The following ADAMTS3 variants were observed in gnomAD, a reference collection of about 807,000 sequenced individuals.
ADAMTS3 encodes ADAM metallopeptidase with thrombospondin type 1 motif 3, also known as A disintegrin and metalloproteinase with thrombospondin motifs 3.
ADAMTS3 carries 73 observed loss-of-function variants against 129.0 expected under a neutral mutation model. The ratio of observed to expected loss-of-function variants is 0.57; its 90% CI spans 0.47 to 0.69. The LOEUF is 0.69. Among genes scored for constraint, ADAMTS3 ranks in the 30% least tolerant of loss-of-function variants. The probability of loss-of-function intolerance (pLI) is 0.00; values close to 1 mark genes in which losing one functional copy is unlikely to be tolerated. For synonymous variants in ADAMTS3, 477 were observed against 510.8 expected (o/e 0.93, Z 0.89); for missense variants, 1,457 against 1,514.5 (o/e 0.96, Z 0.63).
Position 72,319,486 on chromosome 4 carries a change from A to G in ADAMTS3, c.1209-11T>C, listed in dbSNP as rs1159615207. ...TGCTCCATTCCCAACCTAGAACACA[A>G]AGAGACCTCAGTGGTAAGAATCAGG... On this transcript the variant is annotated splice_polypyrimidine_tract_variant and intron_variant, in intron 8 of 21. Transcript: ENST00000286657. 2.5e-6 allele frequency: 4 copies of G among 1,605,724 alleles called. No individual in the cohort carries two copies. Among genetic ancestry groups the G allele is most frequent in the South Asian group, 1.1e-5 (1 of 89,208 alleles).
chr4:72,510,442 A>G (rs1219673271), intron 3 of ADAMTS3, among the ~76,000 whole-genome samples: 2 of 152,146 alleles, frequency 1.3e-5, no homozygotes, highest in African/African-American at 4.8e-5. Context: ...ATACAAAAAT[A>G]ACGTATAAAA....
At chr4:72,403,134 T>A (rs1721966469) in intron 4 of ADAMTS3, among the ~76,000 whole-genome samples, 1 of 152,056 alleles carries the variant, frequency 6.6e-6, no homozygotes, top group Non-Finnish European at 1.5e-5. Context: ...GGTCTTAATT[T>A]TTCCTTTGTT....
chr4:72,281,529 A>T lies in ADAMTS3; in HGVS notation c.*1607T>A, dbSNP rs1718342108. The T allele has an allele frequency of 6.6e-6, 1 of 152,244 alleles. No homozygotes were observed. The highest frequency in any genetic ancestry group is 2.4e-5 in the African/African-American group (1 of 41,460). The allele number at this position is 152,244 out of a possible 1,614,324, so 9.4% of individuals were successfully genotyped here. A position where few individuals can be genotyped will look rare whatever the true frequency, so the allele number is the denominator to read the frequency against. On this transcript the variant is annotated 3_prime_UTR_variant, in exon 22 of 22. Transcript: ENST00000286657. ...GCACTTATCTCTTTCAAAAACTTTT[A>T]AAAATGTTTCTAATTCACAATTTCA... is the stretch of plus-strand genomic sequence containing the variant.
intron 21 of ADAMTS3, among the ~76,000 whole-genome samples, chr4:72,287,434 G>A (rs769781950): frequency 4.0e-5 from 6 of 150,378 alleles, no homozygotes; most frequent in Non-Finnish European, 5.9e-5. Flanking sequence ...GAAAGGGAGA[G>A]GGTGAAGGGG....
chr4:72,399,406 C>T (rs1721815879), intron 4 of ADAMTS3, among the ~76,000 whole-genome samples: 1 of 152,118 alleles, frequency 6.6e-6, no homozygotes, highest in Admixed American at 6.6e-5. Context: ...GCACTCCAGC[C>T]TGGGCAATAG....
Position 72,533,806 on chromosome 4 carries a change from T to C in ADAMTS3, c.504+14672A>G, listed in dbSNP as rs145749995. Among the ~76,000 whole-genome samples, 851 of 152,192 alleles carry C rather than the reference T, an allele frequency of 5.6e-3. 8 individuals are homozygous for C. Among genetic ancestry groups the C allele is most frequent in the African/African-American group, 0.02 (816 of 41,516 alleles). On this transcript the variant is annotated intron_variant, in intron 3 of 21. Transcript: ENST00000286657. ...CTGAAGCCTTCAAGTACACAGAGCT[T>C]ATTCAGAATTAGAGGATTAAAAAAT...
chr4:72,292,498 T>C (rs1418389374), intron 19 of ADAMTS3, among the ~76,000 whole-genome samples: 1 of 152,226 alleles, frequency 6.6e-6, no homozygotes, highest in African/African-American at 2.4e-5. Flanking sequence ...ATGCACCCGA[T>C]AGAAACATTT....
chr4:72,439,216 T>C (rs1301559994), intron 3 of ADAMTS3, among the ~76,000 whole-genome samples: 1 of 151,766 alleles, frequency 6.6e-6, no homozygotes, highest in East Asian at 2.0e-4. Context: ...GTACATGCCA[T>C]TTCATTAAGT....
At chr4:72,392,024 G>A (rs578226214) in intron 4 of ADAMTS3, among the ~76,000 whole-genome samples, 18 of 152,228 alleles carry the variant, frequency 1.2e-4, no homozygotes, top group Middle Eastern at 3.4e-3. Flanking sequence ...TTCCAGGTGC[G>A]TGGCCCTATG....
chr4:72,417,774 CA>C (rs1402484725), intron 3 of ADAMTS3, among the ~76,000 whole-genome samples: 2 of 150,074 alleles, frequency 1.3e-5, no homozygotes, highest in Non-Finnish European at 3.0e-5. Flanking sequence ...ACTAAAAATA[CA>C]AAAAAAAATT....
chr4:72,318,481 C>T, intron 10 of ADAMTS3, 91 bp downstream of exon 10: 1 of 1,361,586 alleles, frequency 7.3e-7, no homozygotes, highest in Middle Eastern at 1.9e-4. Flanking sequence ...TATTATTATA[C>T]TTGCACCAGT....
intron 3 of ADAMTS3, among the ~76,000 whole-genome samples, chr4:72,440,528 C>T (rs1578681575): frequency 6.6e-6 from 1 of 151,772 alleles, no homozygotes; most frequent in Non-Finnish European, 1.5e-5. Flanking sequence ...CAGCCCAAAA[C>T]CACTTCATCT....
intron 2 of ADAMTS3, among the ~76,000 whole-genome samples, chr4:72,562,128 T>C (rs1310926406): frequency 6.6e-6 from 1 of 152,224 alleles, no homozygotes; most frequent in Non-Finnish European, 1.5e-5. Flanking sequence ...TCATATTTAT[T>C]GGGTACTTGA....
At chr4:72,540,052 T>C (rs948256080) in intron 3 of ADAMTS3, among the ~76,000 whole-genome samples, 3 of 151,808 alleles carry the variant, frequency 2.0e-5, no homozygotes, top group African/African-American at 7.3e-5. Context: ...AGGCAGAGGG[T>C]GGGACAGTTT....
At chr4:72,481,595 T>C (rs540572187) in intron 3 of ADAMTS3, among the ~76,000 whole-genome samples, 67 of 152,166 alleles carry the variant, frequency 4.4e-4, no homozygotes, top group African/African-American at 1.4e-3. Flanking sequence ...ATAAGACTTT[T>C]AGAAAAAAAC....
At chr4:72,487,426 TGA>T (rs1719618882) in intron 3 of ADAMTS3, among the ~76,000 whole-genome samples, 1 of 152,062 alleles carries the variant, frequency 6.6e-6, no homozygotes, top group African/African-American at 2.4e-5. Context: ...ATTCACTAGA[TGA>T]GAGTGAAGGA....
intron 3 of ADAMTS3, among the ~76,000 whole-genome samples, chr4:72,457,049 T>C (rs762447184): frequency 5.3e-5 from 8 of 151,698 alleles, no homozygotes; most frequent in Non-Finnish European, 8.9e-5. Flanking sequence ...AGCATTTTTT[T>C]CTTCTTCTAT....
chr4:72,288,395 C>T (rs747659282), intron 21 of ADAMTS3, among the ~76,000 whole-genome samples: 1 of 152,090 alleles, frequency 6.6e-6, no homozygotes, highest in African/African-American at 2.4e-5. Context: ...AAAATCTTTG[C>T]AAAATTATGC....
chr4:72,436,018 T>C (rs10938020), intron 3 of ADAMTS3, among the ~76,000 whole-genome samples: 148,066 of 152,054 alleles, frequency 0.97, 72,234 homozygotes, highest in South Asian at 1. Context: ...CTAATTAAAC[T>C]AAAGAGCTTC....
Sources: gnomAD v4.1 joint callset for allele counts (sites outside exome capture counted in the v4.1 genomes callset) on GRCh38, gnomAD v4.1.1 for gene constraint, MANE v1.5 for transcripts, NCBI Gene and HGNC (gene_info 2026-07-23, HGNC 2026-07-21) for gene names.